CDKL5: variants seen among roughly 807,000 people sequenced by gnomAD.
CDKL5 encodes the protein cyclin dependent kinase like 5.
Under a neutral mutation model 61.7 loss-of-function variants are expected in CDKL5, and 8 were observed. The ratio of observed to expected loss-of-function variants is 0.13; its 90% CI spans 0.08 to 0.23. CDKL5 has a LOEUF of 0.23. CDKL5 is among the 10% of genes least tolerant of loss of function. The pLI is 1.00. For missense variants in CDKL5, 440 were observed against 734.5 expected (o/e 0.60, Z 4.63); for synonymous variants, 275 against 272.3 (o/e 1.01, Z -0.10).
rs372909446 is a variant in CDKL5, at chrX:18,613,287, G to C, written c.2276+12G>C. 34 of 1,185,242 alleles carry C rather than the reference G, an allele frequency of 2.9e-5. No homozygotes were observed. In the African/African-American group the frequency reaches 5.9e-4, roughly 20 times the overall value. ...GCATTCGATCCATGGTGAGCATTTT[G>C]GTTTGTTTTTACTCTTCCTTTTTTT... On this transcript the variant is annotated intron_variant, in intron 15 of 17. Transcript: ENST00000623535.
chrX:18,648,959 G>GCC (rs1375888763), intron 20 of CDKL5, among the ~76,000 whole-genome samples: 1 of 106,423 alleles, frequency 9.4e-6, no homozygotes, highest in African/African-American at 3.4e-5. Flanking sequence ...GAGGGAGGAG[G>GCC]ATTGCTTGAG....
At chrX:18,526,557 T>G (rs1293288389) in intron 3 of CDKL5, among the ~76,000 whole-genome samples, 1 of 111,762 alleles carries the variant, frequency 8.9e-6, no homozygotes, top group Non-Finnish European at 1.9e-5. Context: ...TTCTTACTGT[T>G]AAGTACCAAT....
intron 1 of CDKL5, among the ~76,000 whole-genome samples, chrX:18,504,893 ACTGCACTCCAGCCTGGGC>A (rs1922519759): frequency 9.5e-6 from 1 of 105,721 alleles, no homozygotes; most frequent in Middle Eastern, 4.3e-3. Flanking sequence ...AGATCGCGCC[ACTGCACTCCAGCCTGGGC>A]GACAGAGCGA....
chrX:18,434,624 A>C (rs1931571474), intron 1 of CDKL5, among the ~76,000 whole-genome samples: 1 of 112,197 alleles, frequency 8.9e-6, no homozygotes, highest in Non-Finnish European at 1.9e-5. Context: ...TATCAGTTTT[A>C]AACTGTGTAT....
rs187200801 is a variant in CDKL5, at chrX:18,497,967, G to A, written c.-162-8968G>A. 3.9e-4 allele frequency among the ~76,000 whole-genome samples: 41 copies of A among 105,701 alleles called. 2 individuals are homozygous for A. The highest frequency in any genetic ancestry group is 3.5e-3 in the South Asian group (8 of 2,311). The allele number at this position is 105,701 out of a possible 115,157, so 91.8% of individuals were successfully genotyped here. On this transcript the variant is annotated intron_variant, in intron 1 of 17. Coordinates refer to ENST00000623535, the MANE Select transcript of CDKL5 (RefSeq NM_001323289.2). Reference sequence around the variant, plus strand: ...CAAGTAGCTGGGACTAGAGGTGTTCGCCACCAACGCCCAGCTAATTAAAAA... The same window carrying A: ...CAAGTAGCTGGGACTAGAGGTGTTCACCACCAACGCCCAGCTAATTAAAAA...
At chrX:18,431,452 C>T (rs1232392592) in intron 1 of CDKL5, among the ~76,000 whole-genome samples, 187 of 101,811 alleles carry the variant, frequency 1.8e-3, no homozygotes, top group Admixed American at 5.7e-3. Flanking sequence ...GACGGAGTCT[C>T]GCTCTGTTGC....
chrX:18,512,667 A>C lies in CDKL5; in HGVS notation c.99+1813A>C, dbSNP rs1922869628. 7.2e-5 allele frequency among the ~76,000 whole-genome samples: 8 copies of C among 111,240 alleles called. 1 individual carries two copies. The Admixed American group carries it at 7.7e-4, about 11-fold the overall frequency. Reference sequence around the variant, plus strand: ...TTGATTAAGGATGATTAAGAATTTAAAATAATAAATATAATAAAAATAAAT... The same window carrying C: ...TTGATTAAGGATGATTAAGAATTTACAATAATAAATATAATAAAAATAAAT... On this transcript the variant is annotated intron_variant, in intron 3 of 17. Coordinates refer to ENST00000623535, the MANE Select transcript of CDKL5 (RefSeq NM_001323289.2).
At chrX:18,538,179 AT>A (rs759351419) in intron 3 of CDKL5, among the ~76,000 whole-genome samples, 33 of 111,628 alleles carry the variant, frequency 3.0e-4, no homozygotes, top group African/African-American at 1.0e-3. Flanking sequence ...TTAAATTTGT[AT>A]TTCTCTAATG....
In CDKL5 at chrX:18,596,407, T is replaced by G. The variant is rs373199723; in HGVS notation, c.825+979T>G. The stretch of plus-strand genomic sequence containing the variant: ...CTTTTGTAGAGATGCACAATATTCA[T>G]TAATCCATAAAGGCTTTCAGAAATA... On this transcript the variant is annotated intron_variant, in intron 10 of 17. Coordinates refer to ENST00000623535, the MANE Select transcript of CDKL5 (RefSeq NM_001323289.2). 1.7e-4 allele frequency among the ~76,000 whole-genome samples: 19 copies of G among 111,862 alleles called. No individual in the cohort carries two copies. In the East Asian group the frequency reaches 4.5e-3, roughly 26 times the overall value.
At chrX:18,606,275 TAG>T (rs1926364840) in intron 12 of CDKL5, among the ~76,000 whole-genome samples, 1 of 111,223 alleles carries the variant, frequency 9.0e-6, no homozygotes, top group Admixed American at 9.5e-5. Context: ...GAACTGAGAA[TAG>T]AGAGAGGTCA....
chrX:18,537,867 A>G (rs776451802), intron 3 of CDKL5, among the ~76,000 whole-genome samples: 61 of 112,053 alleles, frequency 5.4e-4, no homozygotes, highest in African/African-American at 1.8e-3. Context: ...CTTTTTTAGT[A>G]TGCTGTAGTA....
intron 15 of CDKL5, among the ~76,000 whole-genome samples, chrX:18,619,224 A>G (rs1177091693): frequency 9.7e-6 from 1 of 102,900 alleles, no homozygotes; most frequent in Non-Finnish European, 2.0e-5. Context: ...AAAACTCCTG[A>G]CCTCAAGCGA....
At chrX:18,624,811 C>T (rs1442545107) in intron 16 of CDKL5, among the ~76,000 whole-genome samples, 1 of 111,929 alleles carries the variant, frequency 8.9e-6, no homozygotes, top group Non-Finnish European at 1.9e-5. Flanking sequence ...ATTCCTGGTA[C>T]AGCCCTATTT....
intron 11 of CDKL5, among the ~76,000 whole-genome samples, chrX:18,601,254 C>T (rs967498746): frequency 2.0e-4 from 22 of 112,145 alleles, no homozygotes; most frequent in African/African-American, 5.5e-4. Flanking sequence ...ACCATGGACA[C>T]GGTGCAATGG....
At chrX:18,441,082 T>C (rs1931730457) in intron 1 of CDKL5, among the ~76,000 whole-genome samples, 1 of 111,221 alleles carries the variant, frequency 9.0e-6, no homozygotes. Context: ...CTGTGGAGGT[T>C]GTGAAACTTC....
At chrX:18,469,088 C>A (rs886210064) in intron 1 of CDKL5, among the ~76,000 whole-genome samples, 3 of 110,589 alleles carry the variant, frequency 2.7e-5, no homozygotes, top group Non-Finnish European at 3.8e-5. Context: ...CCTATAATTG[C>A]AGCACTTTGG....
intron 16 of CDKL5, among the ~76,000 whole-genome samples, chrX:18,624,918 A>T (rs1349505833): frequency 8.9e-6 from 1 of 111,782 alleles, no homozygotes; most frequent in Non-Finnish European, 1.9e-5. Flanking sequence ...ATTTTTCCTA[A>T]TGCAGGGAAA....
chrX:18,588,246 T>C, intron 9 of CDKL5, 103 bp downstream of exon 9: 1 of 657,834 alleles, frequency 1.5e-6, no homozygotes, highest in Non-Finnish European at 2.5e-6. Context: ...ATACTATTTC[T>C]TTTCCCATTA....
At position 18,632,372 on chromosome X, in the gene CDKL5, C is replaced by T; in HGVS notation, c.*3615C>T. On this transcript the variant is annotated 3_prime_UTR_variant, in exon 18 of 18. Transcript: ENST00000623535. Reference sequence around the variant, plus strand: ...CATCCTTAGAAAATCTTTCATAGAGCCATGAGGCTTATATTTAGAAGCAAG... The same window carrying T: ...CATCCTTAGAAAATCTTTCATAGAGTCATGAGGCTTATATTTAGAAGCAAG... The T allele has an allele frequency of 1.3e-6, 1 of 754,023 alleles. No homozygotes were observed. Among genetic ancestry groups the T allele is most frequent in the Non-Finnish European group, 1.6e-6 (1 of 639,116 alleles). 62.1% of individuals were successfully genotyped at this position (754,023 alleles called of 1,213,427 possible).
Sources: allele counts gnomAD v4.1 joint callset (sites outside exome capture counted in the v4.1 genomes callset), GRCh38; gene constraint gnomAD v4.1.1; transcripts MANE v1.5; gene names NCBI Gene and HGNC (gene_info 2026-07-23, HGNC 2026-07-21).